Variants in CDC16 observed in about 807,000 individuals in gnomAD.
CDC16 encodes the protein cell division cycle 16, also known as cell division cycle protein 16 homolog.
A neutral mutation model predicts 87.0 loss-of-function variants in CDC16; 34 were observed. That is an observed-to-expected ratio of 0.39 (90% CI 0.30 to 0.52). The LOEUF (loss-of-function observed/expected upper bound fraction) is 0.52, where lower values mean the gene tolerates loss of function less well. CDC16 is among the 20% of genes least tolerant of loss of function. The pLI is 0.74. For missense variants in CDC16, 653 were observed against 751.9 expected (o/e 0.87, Z 1.54); for synonymous variants, 263 against 260.6 (o/e 1.01, Z -0.09).
intron 17 of CDC16, among the ~76,000 whole-genome samples, chr13:114,270,006 A>G (rs753214638): frequency 1.3e-5 from 2 of 152,208 alleles, no homozygotes; most frequent in Non-Finnish European, 2.9e-5. Flanking sequence ...ACGCCCAACA[A>G]ATTTCACAGA....
chr13:114,263,446 T>C (rs900970508), intron 16 of CDC16, among the ~76,000 whole-genome samples: 1 of 152,182 alleles, frequency 6.6e-6, no homozygotes, highest in Non-Finnish European at 1.5e-5. Context: ...TAAGACACCA[T>C]GAGTAAGCAG....
chr13:114,272,376 C>A lies in CDC16; in HGVS notation c.1796C>A (p.Thr599Asn), dbSNP rs1333622959. The change falls in exon 18 of 18, where the codon ACC becomes AAC. Residue 599 changes from threonine to asparagine, a missense_variant. Coordinates refer to ENST00000356221, the MANE Select transcript of CDC16 (RefSeq NM_001078645.3). ...GATTCCAGACCTTCCTTGGAAGAAA[C>A]CTTTGAAATTGAAATGAATGAAAGT... is the stretch of plus-strand genomic sequence containing the variant. ...TPDSRPSLEE[T>N]FEIEMNESDM... is the part of the protein sequence containing the mutation. 2 of 1,613,984 alleles carry A rather than the reference C, an allele frequency of 1.2e-6. No homozygotes were observed. Among genetic ancestry groups the A allele is most frequent in the Admixed American group, 3.3e-5 (2 of 60,022 alleles).
chr13:114,267,698 A>G (rs1425529279), intron 17 of CDC16, among the ~76,000 whole-genome samples: 1 of 151,484 alleles, frequency 6.6e-6, no homozygotes, highest in Non-Finnish European at 1.5e-5. Flanking sequence ...TAGAGTAATC[A>G]CTAAAAAGGA....
intron 12 of CDC16, 130 bp from the exon 13 acceptor site, chr13:114,256,948 G>A: frequency 1.8e-6 from 1 of 549,430 alleles, no homozygotes; most frequent in African/African-American, 1.9e-5. Context: ...TGTAAATTAA[G>A]AGAAAAAAGT....
In CDC16 at chr13:114,272,316, G is replaced by A; in HGVS notation, c.1736G>A (p.Gly579Glu). Reference sequence around the variant, plus strand: ...GAAAAACAGACTGCAGAAGAAACGGGGCTTACGCCATTGGAAACCTCAAGG... The same window carrying A: ...GAAAAACAGACTGCAGAAGAAACGGAGCTTACGCCATTGGAAACCTCAAGG... ...EVEKQTAEET[G>E]LTPLETSRKT... is the part of the protein sequence containing the mutation. Residue 579 changes from glycine to glutamate, a missense_variant, in exon 18 of 18, where the codon GGG becomes GAG. Gly to Glu is a moderately conservative substitution (Grantham distance 98). Coordinates refer to ENST00000356221, the MANE Select transcript of CDC16 (RefSeq NM_001078645.3). The A allele has an allele frequency of 6.2e-7, 1 of 1,614,218 alleles. No individual in the cohort carries two copies. Among genetic ancestry groups the A allele is most frequent in the Non-Finnish European group, 8.5e-7 (1 of 1,180,030 alleles).
rs1036933537 is a variant in CDC16, at chr13:114,234,933, T to A, written c.-152T>A. Reference sequence around the variant, plus strand: ...CCTGGGTGGGGGGTGCGGGTGTGGGTGGGGACCTGCGGCCTTCGAGTCCGC... The same window carrying A: ...CCTGGGTGGGGGGTGCGGGTGTGGGAGGGGACCTGCGGCCTTCGAGTCCGC... On this transcript the variant is annotated 5_prime_UTR_variant, in exon 1 of 18. Coordinates refer to ENST00000356221, the MANE Select transcript of CDC16 (RefSeq NM_001078645.3). 7.9e-6 allele frequency: 3 copies of A among 379,990 alleles called. No individual in the cohort carries two copies. Among genetic ancestry groups the A allele is most frequent in the Non-Finnish European group, 1.2e-5 (3 of 240,954 alleles). The allele number at this position is 379,990 out of a possible 1,614,324, so 23.5% of individuals were successfully genotyped here. A position where few individuals can be genotyped will look rare whatever the true frequency, so the allele number is the denominator to read the frequency against.
chr13:114,271,996 T>C (rs1425272661), intron 17 of CDC16, among the ~76,000 whole-genome samples, 188 bp from the exon 18 acceptor site: 1 of 152,254 alleles, frequency 6.6e-6, no homozygotes, highest in Non-Finnish European at 1.5e-5. Context: ...ACTTGTGCTC[T>C]TAAAAGTATA....
intron 11 of CDC16, among the ~76,000 whole-genome samples, chr13:114,249,196 G>A (rs187676264): frequency 2.9e-3 from 436 of 151,754 alleles, no homozygotes; most frequent in African/African-American, 9.7e-3. Flanking sequence ...TAAGGAGTGC[G>A]CCACCTAGAT....
chr13:114,259,174 G>A lies in CDC16; in HGVS notation c.1251-161G>A, dbSNP rs144232956. Among the ~76,000 whole-genome samples, 122 of 150,492 alleles carry A rather than the reference G, an allele frequency of 8.1e-4. 1 individual carries two copies. Among genetic ancestry groups the A allele is most frequent in the African/African-American group, 2.7e-3 (110 of 40,922 alleles). On this transcript the variant is annotated intron_variant, in intron 13 of 17. Transcript: ENST00000356221. ...ATCTTGAACTCTTGATATTAATGCC[G>A]TAAAATTAATCATTTGTGACTTAAC...
intron 1 of CDC16, 44 bp downstream of exon 1, chr13:114,235,176 G>A: frequency 8.3e-7 from 1 of 1,209,144 alleles, no homozygotes; most frequent in Non-Finnish European, 1.0e-6. Flanking sequence ...GCCTCGCCGG[G>A]TCTTTTTCCG....
At chr13:114,269,521 A>G (rs1379628873) in intron 17 of CDC16, among the ~76,000 whole-genome samples, 2 of 152,188 alleles carry the variant, frequency 1.3e-5, no homozygotes, top group Admixed American at 1.3e-4. Context: ...TCTGTCCACT[A>G]AAGGTCACAA....
At chr13:114,239,750 A>G (rs1284571879) in intron 5 of CDC16, among the ~76,000 whole-genome samples, 1 of 151,942 alleles carries the variant, frequency 6.6e-6, no homozygotes, top group Non-Finnish European at 1.5e-5. Context: ...GCCTTAAGCT[A>G]CTCCCTAAAA....
At chr13:114,266,108 C>T (rs1341707260) in intron 17 of CDC16, among the ~76,000 whole-genome samples, 4 of 152,192 alleles carry the variant, frequency 2.6e-5, no homozygotes, top group African/African-American at 7.2e-5. Context: ...TGAGCCACTG[C>T]GCCCAGCCCC....
intron 12 of CDC16, 128 bp downstream of exon 12, chr13:114,250,802 A>G (rs1329021553): frequency 4.4e-6 from 4 of 899,488 alleles, no homozygotes; most frequent in Non-Finnish European, 6.7e-6. Context: ...CTTTTAATCT[A>G]GTTGCTTGTG....
chr13:114,235,128 A>C lies in CDC16; in HGVS notation c.44A>C (p.Asp15Ala). The change falls in exon 1 of 18, where the codon GAC becomes GCC. Residue 15 changes from aspartate (D) to alanine (A), a missense_variant. By Grantham distance (126) the Asp-to-Ala change is moderately radical. Transcript: ENST00000356221. ...RLRKRVRQYL[D>A]QQQYQSALFW... ...CGGAAGCGCGTCCGGCAGTACCTCG[A>C]CCAGGTGGGCGGCCCCGACTCGGGG... The C allele has an allele frequency of 8.0e-7, 1 of 1,244,230 alleles. No individual in the cohort carries two copies. Among genetic ancestry groups the C allele is most frequent in the East Asian group, 3.1e-5 (1 of 31,788 alleles). The allele number at this position is 1,244,230 out of a possible 1,614,324, so 77.1% of individuals were successfully genotyped here. A position where few individuals can be genotyped will look rare whatever the true frequency, so the allele number is the denominator to read the frequency against.
At chr13:114,241,482 T>G (rs948515005) in intron 5 of CDC16, among the ~76,000 whole-genome samples, 3 of 152,210 alleles carry the variant, frequency 2.0e-5, no homozygotes, top group African/African-American at 7.2e-5. Flanking sequence ...CTGTCAATCT[T>G]GGAGTTTTAT....
chr13:114,239,058 TG>T, intron 4 of CDC16, 30 bp downstream of exon 4: 2 of 1,606,546 alleles, frequency 1.2e-6, no homozygotes, highest in Non-Finnish European at 1.7e-6. Flanking sequence ...CATTTTTATT[TG>T]GTTGAATAAA....
At chr13:114,245,767 C>T (rs1222050970) in intron 9 of CDC16, 4 of 455,866 alleles carry the variant, frequency 8.8e-6, no homozygotes, top group African/African-American at 4.1e-5. Flanking sequence ...GCTGTATCCT[C>T]TGCAGTATTC....
At chr13:114,240,495 C>T (rs1247653477) in intron 5 of CDC16, among the ~76,000 whole-genome samples, 2 of 152,122 alleles carry the variant, frequency 1.3e-5, no homozygotes, top group African/African-American at 4.8e-5. Context: ...AGGTGTGAGC[C>T]ACTGTGCCCG....
Sources: gnomAD v4.1 joint callset for allele counts (sites outside exome capture counted in the v4.1 genomes callset) on GRCh38, gnomAD v4.1.1 for gene constraint, MANE v1.5 for transcripts, NCBI Gene and HGNC (gene_info 2026-07-23, HGNC 2026-07-21) for gene names.